The following ZNF331 variants were observed in gnomAD, a reference collection of about 807,000 sequenced individuals.
ZNF331 encodes the protein C2H2-like zinc finger protein rearranged in thyroid adenomas.
A neutral mutation model predicts 7.0 loss-of-function variants in ZNF331; 2 were observed. That is an observed-to-expected ratio of 0.29 (90% CI 0.12 to 0.90). The LOEUF (loss-of-function observed/expected upper bound fraction) is 0.90, where lower values mean the gene tolerates loss of function less well. Among genes scored for constraint, ZNF331 ranks in the 40% least tolerant of loss-of-function variants. The probability of loss-of-function intolerance (pLI) is 0.58; values close to 1 mark genes in which losing one functional copy is unlikely to be tolerated. For synonymous variants in ZNF331, 196 were observed against 205.4 expected, an observed-to-expected ratio of 0.95 and a Z score of 0.39; for missense variants, 432 against 587.7, an observed-to-expected ratio of 0.74 and a Z score of 2.74.
Position 53,550,717 on chromosome 19 carries a change from A to G in ZNF331, c.-137-5128A>G, listed in dbSNP as rs371286004. Among the ~76,000 whole-genome samples the G allele has an allele frequency of 1.7e-4, 26 of 150,854 alleles. 1 individual carries two copies. In the East Asian group the frequency reaches 3.1e-3, roughly 18 times the overall value. On this transcript the variant is annotated intron_variant, in intron 2 of 5. Transcript: ENST00000449416. ...ACGCCAGGCTAATTTTTGTGTTTTT[A>G]GTAGAGATGGGGTTTTGCCATGTTG...
chr19:53,575,623 A>G (rs112633521), intron 5 of ZNF331, among the ~76,000 whole-genome samples: 15,521 of 148,078 alleles, frequency 0.1, 1,176 homozygotes, highest in African/African-American at 0.22. Flanking sequence ...ATAGGCTCAC[A>G]CCACCATGCC....
the ZNF331 span, among the ~76,000 whole-genome samples, chr19:53,504,455 C>G: frequency 6.6e-6 from 1 of 150,686 alleles, no homozygotes; most frequent in Non-Finnish European, 1.5e-5. Context: ...TCCTGATCCC[C>G]CCTCCACCCA....
upstream of ZNF331, among the ~76,000 whole-genome samples, chr19:53,533,841 A>G (rs1600232308): frequency 6.6e-6 from 1 of 152,220 alleles, no homozygotes; most frequent in East Asian, 1.9e-4. Flanking sequence ...ACAACTCACC[A>G]TGCAGTCAAA....
upstream of ZNF331, among the ~76,000 whole-genome samples, chr19:53,519,471 T>C (rs1284520): frequency 0.59 from 90,203 of 151,940 alleles, 28,221 homozygotes; most frequent in African/African-American, 0.81. Flanking sequence ...CATGTCCTAC[T>C]GGGCAAAGGC....
chr19:53,546,837 C>T (rs1342943466), intron 2 of ZNF331, among the ~76,000 whole-genome samples: 1 of 152,152 alleles, frequency 6.6e-6, no homozygotes, highest in Non-Finnish European at 1.5e-5. Flanking sequence ...GTTCTATTCA[C>T]TTGGACTTCT....
In ZNF331 at chr19:53,569,294, C is replaced by T. The variant is rs1187775253; in HGVS notation, c.-73-10C>T. The stretch of plus-strand genomic sequence containing the variant: ...GCACCTCGTTTTAATCTCTTTTTTT[C>T]CACCCCTAGCTCTAGCCTCTCGGAA... On this transcript the variant is annotated splice_polypyrimidine_tract_variant and intron_variant, in intron 3 of 5. Coordinates refer to ENST00000449416, the MANE Select transcript of ZNF331 (RefSeq NM_001079906.2). 6.0e-6 allele frequency: 9 copies of T among 1,509,108 alleles called. No individual in the cohort carries two copies. The South Asian group carries it at 9.3e-5, about 16-fold the overall frequency. 93.5% of individuals were successfully genotyped at this position (1,509,108 alleles called of 1,614,324 possible).
At chr19:53,570,886 T>C (rs2090414070) in intron 4 of ZNF331, among the ~76,000 whole-genome samples, 1 of 139,944 alleles carries the variant, frequency 7.1e-6, no homozygotes, top group African/African-American at 2.7e-5. Context: ...AGACAGAGTC[T>C]CGCTCTGTCG....
At chr19:53,551,518 A>G (rs2147422469) in intron 2 of ZNF331, among the ~76,000 whole-genome samples, 1 of 152,244 alleles carries the variant, frequency 6.6e-6, no homozygotes, top group South Asian at 2.1e-4. Context: ...AACCTCTCAT[A>G]TATTTACACC....
chr19:53,524,422 T>C (rs542343085), intron 2 of ZNF331, among the ~76,000 whole-genome samples: 100 of 151,410 alleles, frequency 6.6e-4, no homozygotes, highest in African/African-American at 2.2e-3. Context: ...CTCTCTAGCA[T>C]CTGTTGTTTC....
chr19:53,505,698 C>A, the ZNF331 span, among the ~76,000 whole-genome samples: 9 of 152,174 alleles, frequency 5.9e-5, no homozygotes, highest in Non-Finnish European at 1.0e-4. Flanking sequence ...GCTAAGAATG[C>A]AGCAGAGGCC....
chr19:53,509,975 G>A, the ZNF331 span, among the ~76,000 whole-genome samples: 9 of 152,160 alleles, frequency 5.9e-5, no homozygotes, highest in Admixed American at 1.3e-4. Flanking sequence ...ATCAGATCTC[G>A]TGAGAACGCA....
At chr19:53,554,299 C>T (rs2089212646) in intron 2 of ZNF331, among the ~76,000 whole-genome samples, 1 of 152,196 alleles carries the variant, frequency 6.6e-6, no homozygotes, top group Non-Finnish European at 1.5e-5. Flanking sequence ...ACATGTGTGT[C>T]GGGGTCTGGT....
intron 2 of ZNF331, among the ~76,000 whole-genome samples, chr19:53,551,967 G>T (rs530470396): frequency 9.9e-5 from 15 of 152,234 alleles, no homozygotes; most frequent in African/African-American, 3.4e-4. Flanking sequence ...TGATTTTAAT[G>T]GTTCTTTCAA....
At position 53,573,664 on chromosome 19, in the gene ZNF331, T is replaced by G. The variant is rs2090570084; in HGVS notation, c.136+1934T>G. Among the ~76,000 whole-genome samples, 1 of 151,998 alleles carries G rather than the reference T, an allele frequency of 6.6e-6. No homozygotes were observed. The highest frequency in any genetic ancestry group is 2.4e-5 in the African/African-American group (1 of 41,392). The stretch of plus-strand genomic sequence containing the variant: ...TGTGTTTTTTCTTAGAGATGGGATT[T>G]CGCCATGTTGTCCAAGCTGATCTTG... On this transcript the variant is annotated intron_variant, in intron 5 of 5. Coordinates refer to ENST00000449416, the MANE Select transcript of ZNF331 (RefSeq NM_001079906.2). This position sits in a 1 kb window ranked among gnomAD's most constrained non-coding sequence, Gnocchi z 4.2.
rs917523781 is a variant in ZNF331 at position 53,549,365 on chromosome 19, G to A, written c.-137-6480G>A. On this transcript the variant is annotated intron_variant, in intron 2 of 5. Transcript: ENST00000449416. ...CAGCATGTCAATACAGCAGGTTGCA[G>A]CAAAGAAAGACGGTTTACTGTAAGG... 2.0e-4 allele frequency among the ~76,000 whole-genome samples: 30 copies of A among 152,154 alleles called. 2 individuals carry two copies. Among genetic ancestry groups the A allele is most frequent in the South Asian group, 2.1e-4 (1 of 4,832 alleles).
At chr19:53,503,300 A>G in the ZNF331 span, 1 of 362,742 alleles carries the variant, frequency 2.8e-6, no homozygotes, top group Non-Finnish European at 5.3e-6. Context: ...CCCACCAAGT[A>G]CCAGCTGCCT....
At chr19:53,548,305 G>GTTTCA (rs2088761122) in intron 2 of ZNF331, among the ~76,000 whole-genome samples, 1 of 152,024 alleles carries the variant, frequency 6.6e-6, no homozygotes, top group Non-Finnish European at 1.5e-5. Context: ...TAGAGACAGG[G>GTTTCA]TTTCACCCTG....
chr19:53,523,759 A>G (rs562857487), intron 2 of ZNF331, among the ~76,000 whole-genome samples: 3 of 148,462 alleles, frequency 2.0e-5, no homozygotes, highest in Admixed American at 6.7e-5. Context: ...TTGTTAGTCT[A>G]TAGGGATACT....
In ZNF331 at chr19:53,573,264, A is replaced by C. The variant is rs2090550995; in HGVS notation, c.136+1534A>C. Among the ~76,000 whole-genome samples, 1 of 151,892 alleles carries C rather than the reference A, an allele frequency of 6.6e-6. No individual in the cohort carries two copies. The highest frequency in any genetic ancestry group is 2.4e-5 in the African/African-American group (1 of 41,364). On this transcript the variant is annotated intron_variant, in intron 5 of 5. Transcript: ENST00000449416. This position sits in a 1 kb window ranked among gnomAD's most constrained non-coding sequence, Gnocchi z 4.2. Reference sequence around the variant, plus strand: ...CCGGGTGCGGTGGCTCACTCCTGTGATCACAAGACTGGCAGGCCAAGGCAG... The same window carrying C: ...CCGGGTGCGGTGGCTCACTCCTGTGCTCACAAGACTGGCAGGCCAAGGCAG...
Sources: allele counts gnomAD v4.1 joint callset (sites outside exome capture counted in the v4.1 genomes callset), GRCh38; gene constraint gnomAD v4.1.1; non-coding constraint Gnocchi (gnomAD v3.1); transcripts MANE v1.5; gene names NCBI Gene and HGNC (gene_info 2026-07-23, HGNC 2026-07-21).